Variants in ZNF383 observed in about 807,000 individuals in gnomAD.
ZNF383 encodes zinc finger protein 383.
ZNF383 carries 32 observed loss-of-function variants against 44.2 expected under a neutral mutation model. The observed-to-expected ratio is 0.72, with a 90% CI of 0.55 to 0.97. The LOEUF (loss-of-function observed/expected upper bound fraction) is 0.97, where lower values mean the gene tolerates loss of function less well. Ranked by LOEUF, ZNF383 falls within the 50% of genes least tolerant of loss-of-function variation. The pLI, the probability that ZNF383 is intolerant of heterozygous loss-of-function variation, is 0.00. For missense variants in ZNF383, 487 were observed against 562.5 expected, an observed-to-expected ratio of 0.87 and a Z score of 1.36; for synonymous variants, 155 against 186.2, an observed-to-expected ratio of 0.83 and a Z score of 1.36.
Position 37,230,417 on chromosome 19 carries a change from C to T in ZNF383, c.-37C>T. On this transcript the variant is annotated 5_prime_UTR_variant, in exon 3 of 6. Transcript: ENST00000684119. ...ACACTGTCCTTTTTCAGGAGAACGG[C>T]CTCAAGGAAGACTAACCATCTGCAA... 6.2e-7 allele frequency: 1 copy of T among 1,612,156 alleles called. No homozygotes were observed. The highest frequency in any genetic ancestry group is 8.5e-7 in the Non-Finnish European group (1 of 1,178,806).
intron 5 of ZNF383, among the ~76,000 whole-genome samples, chr19:37,236,772 A>G (rs1973820878): frequency 6.6e-6 from 1 of 151,528 alleles, no homozygotes; most frequent in Non-Finnish European, 1.5e-5. Context: ...GTTTCACCAT[A>G]TTGGCCAGGC....
chr19:37,240,834 G>C (rs1024287646), intron 5 of ZNF383, among the ~76,000 whole-genome samples: 1 of 152,108 alleles, frequency 6.6e-6, no homozygotes, highest in African/African-American at 2.4e-5. Context: ...TTGAGATGGA[G>C]TCTCACTCTG....
At chr19:37,237,889 G>A (rs1241577937) in intron 5 of ZNF383, among the ~76,000 whole-genome samples, 6 of 150,650 alleles carry the variant, frequency 4.0e-5, no homozygotes, top group Non-Finnish European at 8.9e-5. Context: ...TTGAGACAGG[G>A]TCTCACTCTG....
rs1201052583 is a variant in ZNF383 at position 37,248,704 on chromosome 19, G to A, written c.*5040G>A. On this transcript the variant is annotated 3_prime_UTR_variant, in exon 6 of 6. Coordinates refer to ENST00000684119, the MANE Select transcript of ZNF383 (RefSeq NM_001387601.1). ...TTTTCTAGCAGTATTTGACAGGATG[G>A]GATATATTTTATAAATAAACTTGGA... is the stretch of plus-strand genomic sequence containing the variant. The A allele has an allele frequency of 6.6e-6, 1 of 152,126 alleles. No homozygotes were observed. Among genetic ancestry groups the A allele is most frequent in the Non-Finnish European group, 1.5e-5 (1 of 68,020 alleles). The allele number at this position is 152,126 out of a possible 1,614,324, so 9.4% of individuals were successfully genotyped here.
rs1974375796 is a variant in ZNF383 at position 37,246,393 on chromosome 19, A to T, written c.*2729A>T. Reference sequence around the variant, plus strand: ...AACGAAGCCTTTCCCTATCATTATTATTCAGTGTGGAATTTTAAAAGGAAG... The same window carrying T: ...AACGAAGCCTTTCCCTATCATTATTTTTCAGTGTGGAATTTTAAAAGGAAG... On this transcript the variant is annotated 3_prime_UTR_variant, in exon 6 of 6. Transcript: ENST00000684119. 1 of 152,190 alleles carries T rather than the reference A, an allele frequency of 6.6e-6. No individual in the cohort carries two copies. Among genetic ancestry groups the T allele is most frequent in the Non-Finnish European group, 1.5e-5 (1 of 68,038 alleles). The allele number at this position is 152,190 out of a possible 1,614,324, so 9.4% of individuals were successfully genotyped here.
chr19:37,230,572 C>T, intron 3 of ZNF383, 110 bp downstream of exon 3: 1 of 1,216,756 alleles, frequency 8.2e-7, no homozygotes, highest in South Asian at 1.3e-5. Flanking sequence ...AGTTCCCCTT[C>T]AGAATCCTTG....
intron 3 of ZNF383, among the ~76,000 whole-genome samples, chr19:37,232,663 T>C (rs960443004): frequency 1.3e-5 from 2 of 152,182 alleles, no homozygotes; most frequent in African/African-American, 4.8e-5. Context: ...AATACGTCTA[T>C]CTATAAAGTA....
At chr19:37,218,672 C>T (rs1972784686) in intron 1 of ZNF383, among the ~76,000 whole-genome samples, 1 of 151,974 alleles carries the variant, frequency 6.6e-6, no homozygotes, top group South Asian at 2.1e-4. Context: ...TGACTGTTAG[C>T]AGCACTTAAG....
intron 3 of ZNF383, among the ~76,000 whole-genome samples, chr19:37,232,878 G>A (rs903796633): frequency 2.0e-5 from 3 of 152,080 alleles, no homozygotes; most frequent in African/African-American, 7.2e-5. Flanking sequence ...CGTTGCAGTT[G>A]TCCATATAAT....
chr19:37,236,633 G>A (rs1047021991), intron 5 of ZNF383, among the ~76,000 whole-genome samples: 8 of 151,014 alleles, frequency 5.3e-5, no homozygotes, highest in African/African-American at 1.7e-4. Context: ...TGCAGGGTGC[G>A]ATCTTGGTTC....
chr19:37,220,264 T>C (rs1344244177), intron 1 of ZNF383, among the ~76,000 whole-genome samples: 1 of 152,202 alleles, frequency 6.6e-6, no homozygotes, highest in African/African-American at 2.4e-5. Flanking sequence ...AGTCTCGCTC[T>C]GTTGCCCAGG....
At chr19:37,224,577 G>A (rs913769511) in intron 1 of ZNF383, among the ~76,000 whole-genome samples, 1 of 151,888 alleles carries the variant, frequency 6.6e-6, no homozygotes, top group East Asian at 1.9e-4. Context: ...TGAGAGACGG[G>A]CCTCTCACTC....
At chr19:37,225,399 T>C (rs1973110545) in intron 2 of ZNF383, among the ~76,000 whole-genome samples, 1 of 152,208 alleles carries the variant, frequency 6.6e-6, no homozygotes, top group Middle Eastern at 3.2e-3. Context: ...AAGCTAATCA[T>C]TTTTAAATGT....
chr19:37,243,019 G>C lies in ZNF383; in HGVS notation c.783G>C (p.Lys261Asn), dbSNP rs773202071. The C allele has an allele frequency of 6.2e-7, 1 of 1,613,980 alleles. No individual in the cohort carries two copies. Among genetic ancestry groups the C allele is most frequent in the East Asian group, 2.2e-5 (1 of 44,884 alleles). ...KKPYECKECG[K>N]AFSYCSNLID... is the part of the protein sequence containing the mutation. ...CCTATGAATGTAAGGAATGTGGGAA[G>C]GCCTTTAGTTATTGCTCAAATCTTA... Residue 261 changes from lysine to asparagine, a missense_variant, in exon 6 of 6, where the codon AAG (lysine) becomes AAC (asparagine). Lys to Asn is a moderately conservative substitution (Grantham distance 94, BLOSUM62 0). Coordinates refer to ENST00000684119, the MANE Select transcript of ZNF383 (RefSeq NM_001387601.1).
chr19:37,221,726 A>G (rs1253206717), intron 1 of ZNF383, among the ~76,000 whole-genome samples: 1 of 151,592 alleles, frequency 6.6e-6, no homozygotes, highest in Non-Finnish European at 1.5e-5. Context: ...AGGCAGGCAG[A>G]TCATGAGGTC....
chr19:37,234,045 G>C (rs1973644508), intron 3 of ZNF383, among the ~76,000 whole-genome samples: 1 of 151,468 alleles, frequency 6.6e-6, no homozygotes, highest in African/African-American at 2.4e-5. Flanking sequence ...TGTATTTTTA[G>C]TAAAGACGGG....
chr19:37,234,156 G>A (rs1388402131), intron 3 of ZNF383, among the ~76,000 whole-genome samples: 9 of 152,096 alleles, frequency 5.9e-5, no homozygotes, highest in Non-Finnish European at 1.3e-4. Context: ...CAGCCACCAC[G>A]CACGGCCCAC....
At chr19:37,230,090 G>A in intron 2 of ZNF383, among the ~76,000 whole-genome samples, 1 of 151,990 alleles carries the variant, frequency 6.6e-6, no homozygotes, top group Admixed American at 6.6e-5. Flanking sequence ...CATTAGCTCA[G>A]GGCAGACCAT....
intron 1 of ZNF383, 77 bp from the exon 2 acceptor site, chr19:37,224,741 A>G (rs2145481258): frequency 7.1e-6 from 1 of 141,670 alleles, no homozygotes; most frequent in South Asian, 2.2e-4. Context: ...TTTTTCAATG[A>G]TTTTGTTTTC....
Sources: gnomAD v4.1 joint callset for allele counts (sites outside exome capture counted in the v4.1 genomes callset) on GRCh38, gnomAD v4.1.1 for gene constraint, MANE v1.5 for transcripts, NCBI Gene and HGNC (gene_info 2026-07-23, HGNC 2026-07-21) for gene names.